Variants in FSHR observed in about 807,000 individuals in gnomAD.
FSHR encodes follicle stimulating hormone receptor.
A neutral mutation model predicts 52.1 loss-of-function variants in FSHR; 46 were observed. That is an observed-to-expected ratio of 0.88 (90% CI 0.70 to 1.13). The LOEUF is 1.13. FSHR is among the 50% of genes most tolerant of loss of function. The pLI, the probability that FSHR is intolerant of heterozygous loss-of-function variation, is 0.00. For missense variants in FSHR, 964 were observed against 834.6 expected (o/e 1.16, Z -1.91); for synonymous variants, 399 against 309.6 (o/e 1.29, Z -3.03).
chr2:48,992,924 C>T (rs985611342), intron 4 of FSHR, among the ~76,000 whole-genome samples: 2 of 152,132 alleles, frequency 1.3e-5, no homozygotes, highest in African/African-American at 4.8e-5. Flanking sequence ...ACAAACTCAC[C>T]AACTACCAAA....
At chr2:48,977,894 G>T (rs1675064018) in intron 8 of FSHR, among the ~76,000 whole-genome samples, 1 of 152,058 alleles carries the variant, frequency 6.6e-6, no homozygotes, top group South Asian at 2.1e-4. Flanking sequence ...GTTGTGGACT[G>T]GTGTTTTTAA....
At position 49,016,475 on chromosome 2, in the gene FSHR, C is replaced by T. The variant is rs147673114; in HGVS notation, c.374+1014G>A. Among the ~76,000 whole-genome samples the T allele has an allele frequency of 4.0e-3, 602 of 152,208 alleles. 2 individuals carry two copies. Among genetic ancestry groups the T allele is most frequent in the Non-Finnish European group, 6.5e-3 (443 of 68,014 alleles). On this transcript the variant is annotated intron_variant, in intron 4 of 9. Transcript: ENST00000406846. Reference sequence around the variant, plus strand: ...GTCTCTCTTAGAACCCTGGGATTACCATGAAAACAAGCCTACTATGCTACC... The same window carrying T: ...GTCTCTCTTAGAACCCTGGGATTACTATGAAAACAAGCCTACTATGCTACC...
intron 2 of FSHR, among the ~76,000 whole-genome samples, chr2:49,022,037 C>G (rs992105682): frequency 1.3e-5 from 2 of 150,568 alleles, no homozygotes; most frequent in African/African-American, 4.9e-5. Context: ...AAGAAGAAAG[C>G]CTTCATTTGA....
chr2:49,108,092 T>C (rs755902643), intron 1 of FSHR, among the ~76,000 whole-genome samples: 4 of 152,276 alleles, frequency 2.6e-5, no homozygotes, highest in Middle Eastern at 3.4e-3. Context: ...ATCTAATCTG[T>C]CGAGGTCCTG....
intron 9 of FSHR, among the ~76,000 whole-genome samples, chr2:48,965,182 G>T (rs1674418865): frequency 6.6e-6 from 1 of 152,084 alleles, no homozygotes; most frequent in Non-Finnish European, 1.5e-5. Context: ...AGGAGGTAAA[G>T]ACTCCATTTG....
chr2:48,972,416 AC>A (rs745626159), intron 8 of FSHR, among the ~76,000 whole-genome samples: 1 of 151,976 alleles, frequency 6.6e-6, no homozygotes, highest in Non-Finnish European at 1.5e-5. Flanking sequence ...TGGTCCATGA[AC>A]CCTTGTCTCT....
rs371331105 is a variant in FSHR, at chr2:49,093,786, C to T, written c.153-25496G>A. 2.7e-4 allele frequency among the ~76,000 whole-genome samples: 41 copies of T among 151,668 alleles called. 1 individual carries two copies. The highest frequency in any genetic ancestry group is 6.8e-3 in the Middle Eastern group (2 of 294). ...ATTTTTAAATATTTTTAGTAGAGAC[C>T]GAGTTTCACCATGTTGGCCAGGCTG... On this transcript the variant is annotated intron_variant, in intron 1 of 9. Transcript: ENST00000406846.
intron 4 of FSHR, chr2:48,997,119 A>G: frequency 3.4e-6 from 2 of 595,412 alleles, no homozygotes; most frequent in Non-Finnish European, 4.2e-6. Flanking sequence ...CTTAAGGTTT[A>G]GAGACCCTGG....
chr2:49,068,079 T>A (rs930065069), intron 2 of FSHR, 140 bp downstream of exon 2: 3 of 717,428 alleles, frequency 4.2e-6, no homozygotes, highest in Non-Finnish European at 7.7e-6. Flanking sequence ...GGTAACACAG[T>A]AAAATGTGAG....
At chr2:48,968,629 T>C in intron 9 of FSHR, 69 bp downstream of exon 9, 1 of 1,542,432 alleles carries the variant, frequency 6.5e-7, no homozygotes, top group South Asian at 1.1e-5. Flanking sequence ...ATGTCACAGA[T>C]AGGTAGAAAT....
intron 8 of FSHR, among the ~76,000 whole-genome samples, chr2:48,979,447 C>T (rs1675143212): frequency 6.6e-6 from 1 of 151,994 alleles, no homozygotes. Flanking sequence ...AAAACACCCC[C>T]CCAAAACCTA....
At chr2:49,085,283 CA>C (rs1298555375) in intron 1 of FSHR, among the ~76,000 whole-genome samples, 1 of 152,214 alleles carries the variant, frequency 6.6e-6, no homozygotes, top group Non-Finnish European at 1.5e-5. Flanking sequence ...AGGCCTTTGA[CA>C]AAATTCAACA....
At chr2:49,122,461 T>C (rs1352299038) in intron 1 of FSHR, among the ~76,000 whole-genome samples, 2 of 152,206 alleles carry the variant, frequency 1.3e-5, no homozygotes, top group African/African-American at 4.8e-5. Flanking sequence ...TCAATTCTCA[T>C]TACCCAAAAG....
At chr2:49,135,275 A>G (rs1024622470) in intron 1 of FSHR, among the ~76,000 whole-genome samples, 2 of 152,178 alleles carry the variant, frequency 1.3e-5, no homozygotes, top group African/African-American at 4.8e-5. Context: ...TATGTGTTCC[A>G]ACTACAATGA....
intron 1 of FSHR, among the ~76,000 whole-genome samples, chr2:49,075,037 G>A (rs561405019): frequency 9.2e-5 from 14 of 152,208 alleles, no homozygotes; most frequent in African/African-American, 2.9e-4. Context: ...AGGCTGGGAA[G>A]GGTATGGGGA....
intron 2 of FSHR, among the ~76,000 whole-genome samples, chr2:49,046,595 ATGT>A (rs753352475): frequency 3.3e-5 from 5 of 152,202 alleles, no homozygotes; most frequent in South Asian, 2.1e-4. Context: ...GCTGTGATTA[ATGT>A]TGTTGTTAAG....
chr2:48,978,068 G>A (rs1299081556), intron 8 of FSHR, among the ~76,000 whole-genome samples: 1 of 152,170 alleles, frequency 6.6e-6, no homozygotes, highest in Non-Finnish European at 1.5e-5. Context: ...TTGCACAGAA[G>A]AGACTTAGTA....
At chr2:49,087,230 T>G (rs1344988677) in intron 1 of FSHR, among the ~76,000 whole-genome samples, 1 of 151,952 alleles carries the variant, frequency 6.6e-6, no homozygotes, top group Non-Finnish European at 1.5e-5. Flanking sequence ...AGGTTAGGCT[T>G]TTTGGTAACT....
chr2:49,021,880 TATATATAGAGAGAGAG>T (rs1192271303), intron 2 of FSHR, among the ~76,000 whole-genome samples: 31 of 51,302 alleles, frequency 6.0e-4, no homozygotes, highest in African/African-American at 1.1e-3. Context: ...TATATATATA[TATATATAGAGAGAGAG>T]AGAGAGAGAG....
Sources: allele counts gnomAD v4.1 joint callset (sites outside exome capture counted in the v4.1 genomes callset), GRCh38; gene constraint gnomAD v4.1.1; transcripts MANE v1.5; gene names NCBI Gene and HGNC (gene_info 2026-07-23, HGNC 2026-07-21).